The following MTUS2 variants were observed in gnomAD, a reference collection of about 807,000 sequenced individuals.
The protein encoded by MTUS2 is microtubule associated scaffold protein 2.
A neutral mutation model predicts 114.1 loss-of-function variants in MTUS2; 40 were observed. The observed-to-expected ratio is 0.35, with a 90% CI of 0.27 to 0.46. MTUS2 has a LOEUF of 0.46. Among genes scored for constraint, MTUS2 ranks in the 20% least tolerant of loss-of-function variants. The pLI is 1.00. For missense variants in MTUS2, 1,679 were observed against 1,705.4 expected (o/e 0.98, Z 0.27); for synonymous variants, 688 against 672.0 (o/e 1.02, Z -0.37).
At chr13:29,171,303 C>T (rs1893553182) in intron 5 of MTUS2, among the ~76,000 whole-genome samples, 2 of 152,150 alleles carry the variant, frequency 1.3e-5, no homozygotes, top group South Asian at 2.1e-4. Flanking sequence ...AAATATGGAA[C>T]GTTGAGCACA....
chr13:29,389,338 T>TATACAC lies in MTUS2; in HGVS notation c.3117+29867_3117+29868insACACAT, dbSNP rs1308853140. 7.9e-4 allele frequency among the ~76,000 whole-genome samples: 42 copies of TATACAC among 53,322 alleles called. 3 individuals are homozygous for TATACAC. Among genetic ancestry groups the TATACAC allele is most frequent in the Admixed American group, 1.7e-3 (6 of 3,622 alleles). 35.0% of individuals were successfully genotyped at this position (53,322 alleles called of 152,430 possible). On this transcript the variant is annotated intron_variant, in intron 8 of 15. Transcript: ENST00000612955. ...GTATACACATATGTGTGTATATATG[T>TATACAC]ATGCACGTGTGTGTATATATGTATG...
rs1593400903 is a variant in MTUS2 at position 29,031,272 on chromosome 13, T to TGTGTGTGTG, written c.2206-2607_2206-2606insGTGGTGTGT. Among the ~76,000 whole-genome samples the TGTGTGTGTG allele has an allele frequency of 1.3e-4, 17 of 134,294 alleles. No individual in the cohort carries two copies. The South Asian group carries it at 2.5e-3, about 20-fold the overall frequency. The allele number at this position is 134,294 out of a possible 152,430, so 88.1% of individuals were successfully genotyped here. A position where few individuals can be genotyped will look rare whatever the true frequency, so the allele number is the denominator to read the frequency against. On this transcript the variant is annotated intron_variant, in intron 3 of 15. Transcript: ENST00000612955. ...TGTGTGTGTGTGTGTGTGTGTGTGGTGTGTGTTCACAGGTCTATATTCATC... is the reference window on the plus strand; with the variant it reads ...TGTGTGTGTGTGTGTGTGTGTGTGGTGTGTGTGTGGTGTGTTCACAGGTCTATATTCATC...
At chr13:29,279,208 G>C (rs796720968) in intron 5 of MTUS2, among the ~76,000 whole-genome samples, 9 of 152,288 alleles carry the variant, frequency 5.9e-5, no homozygotes, top group African/African-American at 2.2e-4. Context: ...GTGGTAGGTA[G>C]AGGAGGTGGT....
At chr13:28,944,210 T>A (rs1882395777) in intron 2 of MTUS2, among the ~76,000 whole-genome samples, 1 of 152,166 alleles carries the variant, frequency 6.6e-6, no homozygotes, top group Non-Finnish European at 1.5e-5. Flanking sequence ...TATTTATCTT[T>A]TCTTTATGCT....
At chr13:28,958,063 C>G (rs112512242) in intron 2 of MTUS2, among the ~76,000 whole-genome samples, 1,891 of 152,292 alleles carry the variant, frequency 0.012, 23 homozygotes, top group South Asian at 0.028. Context: ...TGCTGCAACC[C>G]GTTGTGCTGG....
At chr13:29,055,466 C>G (rs538023682) in intron 4 of MTUS2, among the ~76,000 whole-genome samples, 1 of 152,130 alleles carries the variant, frequency 6.6e-6, no homozygotes, top group African/African-American at 2.4e-5. Context: ...ATTTCATCAC[C>G]CAGGTGATAA....
chr13:28,865,235 A>C (rs73454636), intron 2 of MTUS2, among the ~76,000 whole-genome samples: 8,009 of 152,170 alleles, frequency 0.053, 699 homozygotes, highest in African/African-American at 0.18. Context: ...GGGGTTCAGG[A>C]TTCTGTGTCT....
intron 9 of MTUS2, among the ~76,000 whole-genome samples, chr13:29,468,408 G>A (rs999530036): frequency 3.9e-5 from 6 of 152,080 alleles, no homozygotes; most frequent in South Asian, 2.1e-4. Flanking sequence ...GTGAAACCTT[G>A]TCTCTACTAA....
intron 2 of MTUS2, among the ~76,000 whole-genome samples, chr13:28,921,930 A>T (rs988527914): frequency 1.3e-5 from 2 of 152,188 alleles, no homozygotes; most frequent in Middle Eastern, 3.2e-3. Flanking sequence ...CACAAGCACA[A>T]CCTGGCTGGT....
At chr13:29,087,152 G>T (rs1298096078) in intron 4 of MTUS2, among the ~76,000 whole-genome samples, 2 of 152,162 alleles carry the variant, frequency 1.3e-5, no homozygotes, top group Non-Finnish European at 2.9e-5. Context: ...AATAGGAATG[G>T]TGAGAGTGGA....
At chr13:29,232,314 ACACACACACG>A (rs1566080977) in intron 5 of MTUS2, among the ~76,000 whole-genome samples, 29,847 of 150,536 alleles carry the variant, frequency 0.2, 3,172 homozygotes, top group East Asian at 0.4. Flanking sequence ...GCGCACACAC[ACACACACACG>A]CACACATACA....
At chr13:28,944,332 A>T (rs1310248067) in intron 2 of MTUS2, among the ~76,000 whole-genome samples, 1 of 152,156 alleles carries the variant, frequency 6.6e-6, no homozygotes, top group Non-Finnish European at 1.5e-5. Flanking sequence ...TTCTAAGTGT[A>T]TAGAGAAATT....
At chr13:29,122,477 C>G (rs997530792) in intron 5 of MTUS2, among the ~76,000 whole-genome samples, 5 of 152,148 alleles carry the variant, frequency 3.3e-5, no homozygotes, top group African/African-American at 9.7e-5. Context: ...CATCAGATCT[C>G]GTGAGAACTC....
chr13:29,462,759 A>G (rs1382336365), intron 9 of MTUS2, among the ~76,000 whole-genome samples: 1 of 152,114 alleles, frequency 6.6e-6, no homozygotes, highest in African/African-American at 2.4e-5. Flanking sequence ...CTGCTTGAGA[A>G]AGATGAGAGA....
At chr13:29,041,499 T>G (rs1887356670) in intron 4 of MTUS2, among the ~76,000 whole-genome samples, 1 of 152,224 alleles carries the variant, frequency 6.6e-6, no homozygotes, top group Non-Finnish European at 1.5e-5. Context: ...GGTATATTGA[T>G]GGAAATTGCC....
intron 4 of MTUS2, among the ~76,000 whole-genome samples, chr13:29,040,833 T>G (rs1593411470): frequency 6.6e-6 from 1 of 152,196 alleles, no homozygotes; most frequent in African/African-American, 2.4e-5. Flanking sequence ...TTGGTTTGAG[T>G]TGCTCATAGA....
chr13:28,912,746 C>T (rs1266644224), intron 2 of MTUS2, among the ~76,000 whole-genome samples: 1 of 151,900 alleles, frequency 6.6e-6, no homozygotes, highest in Non-Finnish European at 1.5e-5. Context: ...GTTAGCTTAG[C>T]TGTATTCCTA....
intron 8 of MTUS2, among the ~76,000 whole-genome samples, chr13:29,375,988 T>C (rs534919956): frequency 1.9e-5 from 2 of 106,174 alleles, no homozygotes; most frequent in African/African-American, 6.7e-5. Flanking sequence ...CCACAAGCTA[T>C]TTAAACATAT....
intron 2 of MTUS2, among the ~76,000 whole-genome samples, chr13:28,989,177 G>A (rs1219098839): frequency 6.6e-6 from 1 of 152,132 alleles, no homozygotes; most frequent in African/African-American, 2.4e-5. Flanking sequence ...GAAGCTAGTG[G>A]AGTGCTGGGA....
Sources: gnomAD v4.1 joint callset for allele counts (sites outside exome capture counted in the v4.1 genomes callset) on GRCh38, gnomAD v4.1.1 for gene constraint, MANE v1.5 for transcripts, NCBI Gene and HGNC (gene_info 2026-07-23, HGNC 2026-07-21) for gene names.